CUL4B: variants seen among roughly 807,000 people sequenced by gnomAD.
CUL4B encodes cullin-4B.
CUL4B carries 1 observed loss-of-function variant against 69.2 expected under a neutral mutation model. The ratio of observed to expected loss-of-function variants is 0.01; its 90% CI spans 0.01 to 0.07. The LOEUF (loss-of-function observed/expected upper bound fraction) is 0.07. CUL4B is among the 10% of genes least tolerant of loss of function. The probability of loss-of-function intolerance (pLI) is 1.00; values close to 1 mark genes in which losing one functional copy is unlikely to be tolerated. For missense variants in CUL4B, 328 were observed against 638.8 expected, an observed-to-expected ratio of 0.51 and a Z score of 5.24; for synonymous variants, 237 against 223.2, an observed-to-expected ratio of 1.06 and a Z score of -0.55.
chrX:120,566,365 A>ATATGTATATATATATATATATATATG (rs1556253081), upstream of CUL4B, among the ~76,000 whole-genome samples: 3 of 58,767 alleles, frequency 5.1e-5, no homozygotes, highest in African/African-American at 1.6e-4. Flanking sequence ...ATATATATAT[A>ATATGTATATATATATATATATATATG]TATATATATA....
chrX:120,535,575 G>A (rs1298942073), intron 16 of CUL4B, among the ~76,000 whole-genome samples: 3 of 107,924 alleles, frequency 2.8e-5, no homozygotes, highest in East Asian at 2.9e-4. Context: ...GTATGGTGGC[G>A]CACGCCTGTA....
upstream of CUL4B, chrX:120,561,181 G>A: frequency 1.4e-6 from 1 of 740,242 alleles, no homozygotes; most frequent in Non-Finnish European, 1.9e-6. Flanking sequence ...GGGGGGCGGG[G>A]GAGCTCGCGC....
At chrX:120,530,294 C>A in intron 18 of CUL4B, 40 bp from the exon 19 acceptor site, 1 of 1,145,334 alleles carries the variant, frequency 8.7e-7, no homozygotes. Flanking sequence ...ATACCAGAAG[C>A]AAAACCTGAC....
chrX:120,574,461 G>A lies in CUL4B; in HGVS notation c.67+90C>T, dbSNP rs903752597. The A allele has an allele frequency of 9.3e-6, 7 of 750,931 alleles. No homozygotes were observed. The African/African-American group carries it at 1.5e-4, about 16-fold the overall frequency. The allele number at this position is 750,931 out of a possible 1,213,427, so 61.9% of individuals were successfully genotyped here. A position where few individuals can be genotyped will look rare whatever the true frequency, so the allele number is the denominator to read the frequency against. ...GATCTGCTCGCCTCGGCCTCCCAAAGTGCTGGGATTACAGGCGTGAGCCAC... is the reference window on the plus strand; with the variant it reads ...GATCTGCTCGCCTCGGCCTCCCAAAATGCTGGGATTACAGGCGTGAGCCAC... On this transcript the variant is annotated intron_variant, in intron 2 of 2. Coordinates refer to the CUL4B transcript ENST00000486604.
chrX:120,574,536 A>G (rs969807563), intron 2 of CUL4B: 1 of 1,179,776 alleles, frequency 8.5e-7, no homozygotes, highest in East Asian at 3.0e-5. Flanking sequence ...GAGTTTTACT[A>G]GTTCATTTAC....
At chrX:120,526,907 G>T (rs1488077768) in intron 19 of CUL4B, 51 bp from the exon 20 acceptor site, 14 of 790,006 alleles carry the variant, frequency 1.8e-5, no homozygotes, top group Non-Finnish European at 2.5e-5. Flanking sequence ...ATTGGCTCAA[G>T]CCCATTTAGT....
chrX:120,533,487 G>C (rs1382399875), intron 17 of CUL4B, among the ~76,000 whole-genome samples: 1 of 111,456 alleles, frequency 9.0e-6, no homozygotes, highest in African/African-American at 3.3e-5. Flanking sequence ...GATTCTTCAT[G>C]ATTCTATGCT....
At chrX:120,571,580 T>G (rs938476004) in exon 3 of CUL4B, 152 of 111,189 alleles carry the variant, frequency 1.4e-3, no homozygotes, top group African/African-American at 4.2e-3. Flanking sequence ...ATTTGTAGTA[T>G]CAGGACAGTG....
chrX:120,537,158 A>C, intron 14 of CUL4B, 124 bp from the exon 15 acceptor site: 1 of 534,151 alleles, frequency 1.9e-6, no homozygotes, highest in South Asian at 2.6e-5. Flanking sequence ...TTAAAATAAA[A>C]GGCAACTATT....
intron 16 of CUL4B, among the ~76,000 whole-genome samples, chrX:120,534,857 T>C (rs752085197): frequency 9.8e-5 from 11 of 111,705 alleles, no homozygotes; most frequent in African/African-American, 3.6e-4. Context: ...ATCAGCCTTA[T>C]GTGTCATTCT....
chrX:120,564,880 T>A (rs1196622159), upstream of CUL4B, among the ~76,000 whole-genome samples: 1 of 112,353 alleles, frequency 8.9e-6, no homozygotes, highest in African/African-American at 3.2e-5. Flanking sequence ...ATATTTAGGA[T>A]CTTTCATCTT....
intron 15 of CUL4B, 84 bp downstream of exon 15, chrX:120,536,843 T>A: frequency 1.4e-6 from 1 of 692,730 alleles, no homozygotes; most frequent in Non-Finnish European, 2.3e-6. Flanking sequence ...TATTTTTTTC[T>A]AAGTATCTAT....
intron 1 of CUL4B, 47 bp downstream of exon 1, chrX:120,560,036 G>A (rs1173978958): frequency 8.3e-7 from 1 of 1,208,892 alleles, no homozygotes; most frequent in Admixed American, 2.2e-5. Context: ...GTGACCCCTC[G>A]AGTGTCAAAT....
intron 2 of CUL4B, among the ~76,000 whole-genome samples, chrX:120,548,671 T>C (rs1924487253): frequency 9.1e-6 from 1 of 109,370 alleles, no homozygotes; most frequent in African/African-American, 3.3e-5. Context: ...CCGTCTCCAC[T>C]AAAAATACAA....
At chrX:120,527,939 C>T (rs371143168) in intron 19 of CUL4B, among the ~76,000 whole-genome samples, 11 of 112,277 alleles carry the variant, frequency 9.8e-5, no homozygotes, top group African/African-American at 2.9e-4. Context: ...AGCTACCCTT[C>T]GCGTGGTTAA....
rs758043399 is a variant in CUL4B at position 120,558,009 on chromosome X, T to C, written c.587A>G (p.Asp196Gly). 4 of 1,203,489 alleles carry C rather than the reference T, an allele frequency of 3.3e-6. No homozygotes were observed. Among genetic ancestry groups the C allele is most frequent in the Middle Eastern group, 2.3e-4 (1 of 4,345 alleles). Residue 196 changes from aspartate to glycine, a missense_variant, in exon 2 of 20, where the codon GAT (aspartate) becomes GGT (glycine). Physicochemically the swap from Asp to Gly is moderately conservative, Grantham distance 94. Around this residue, in one of 4 missense-constraint regions of CUL4B, gnomAD observed 126 missense variants for 202.5 expected, o/e 0.62. Coordinates refer to ENST00000371322, the MANE Select transcript of CUL4B (RefSeq NM_001079872.2). Reference protein sequence around the residue: ...DKPKLPENYTDETWQKLKEAV... With the variant: ...DKPKLPENYTGETWQKLKEAV... ...TTCTTTCAGTTTTTGCCAGGTTTCA[T>C]CTGTGTAGTTTTCTGGTAATTTAGG...
chrX:120,530,350 T>G, intron 18 of CUL4B, 96 bp from the exon 19 acceptor site: 2 of 833,971 alleles, frequency 2.4e-6, no homozygotes, highest in Non-Finnish European at 3.5e-6. Context: ...TTGTTATTGC[T>G]TTAAAGGTAC....
chrX:120,534,439 T>G, intron 17 of CUL4B, 42 bp downstream of exon 17: 1 of 848,164 alleles, frequency 1.2e-6, no homozygotes. Context: ...CCTCTTAACA[T>G]AGTGGTGTGC....
rs976492087 is a variant in CUL4B, at chrX:120,526,063, T to C, written c.*698A>G. 13 of 112,147 alleles carry C rather than the reference T, an allele frequency of 1.2e-4. No homozygotes were observed. Among genetic ancestry groups the C allele is most frequent in the African/African-American group, 4.2e-4 (13 of 30,785 alleles). The allele number at this position is 112,147 out of a possible 1,213,427, so 9.2% of individuals were successfully genotyped here. ...TATAAGTACTTGTTAATCAGCACAG[T>C]TAACTTGGGGCTAAGCCATATACAC... is the stretch of plus-strand genomic sequence containing the variant. On this transcript the variant is annotated 3_prime_UTR_variant, in exon 20 of 20. Coordinates refer to ENST00000371322, the MANE Select transcript of CUL4B (RefSeq NM_001079872.2).
Sources: allele counts gnomAD v4.1 joint callset (sites outside exome capture counted in the v4.1 genomes callset), GRCh38; gene constraint gnomAD v4.1.1; regional missense constraint gnomAD v4.1.1; transcripts MANE v1.5; gene names NCBI Gene and HGNC (gene_info 2026-07-23, HGNC 2026-07-21).